Variants in DLGAP2 observed in about 807,000 individuals in gnomAD.
The protein encoded by DLGAP2 is disks large-associated protein 2.
DLGAP2 carries 26 observed loss-of-function variants against 100.3 expected under a neutral mutation model. That is an observed-to-expected ratio of 0.26 (90% CI 0.19 to 0.36). The LOEUF (loss-of-function observed/expected upper bound fraction) is 0.36. Ranked by LOEUF, DLGAP2 falls within the 10% of genes least tolerant of loss-of-function variation. The pLI is 1.00. For synonymous variants in DLGAP2, 886 were observed against 630.1 expected, an observed-to-expected ratio of 1.41 and a Z score of -6.08; for missense variants, 1,858 against 1,453.2, an observed-to-expected ratio of 1.28 and a Z score of -4.53.
At chr8:1,387,514 A>C (rs1796247959) in intron 3 of DLGAP2, among the ~76,000 whole-genome samples, 1 of 152,098 alleles carries the variant, frequency 6.6e-6, no homozygotes, top group Non-Finnish European at 1.5e-5. Context: ...GGTTCTGGAG[A>C]AGGACGGTGG....
chr8:759,665 A>G (rs1821028745), intron 1 of DLGAP2, among the ~76,000 whole-genome samples: 1 of 152,166 alleles, frequency 6.6e-6, no homozygotes, highest in Non-Finnish European at 1.5e-5. Flanking sequence ...GGTGTCCCCC[A>G]GGGCGGTTTC....
chr8:879,360 C>T (rs148208949), intron 1 of DLGAP2, among the ~76,000 whole-genome samples: 6 of 152,254 alleles, frequency 3.9e-5, no homozygotes, highest in East Asian at 1.9e-4. Flanking sequence ...GCTTGGGGAG[C>T]GTAGGGTTTA....
chr8:1,654,665 A>G lies in DLGAP2; in HGVS notation c.1811-13664A>G, dbSNP rs565999399. 2.6e-5 allele frequency among the ~76,000 whole-genome samples: 4 copies of G among 151,754 alleles called. No homozygotes were observed. The East Asian group carries it at 7.7e-4, about 29-fold the overall frequency. ...GACAAGAGTGAAACTCCGTCTCAAAAAAAAAAAAAAAAAAGAATTGGAACA... is the reference window on the plus strand; with the variant it reads ...GACAAGAGTGAAACTCCGTCTCAAAGAAAAAAAAAAAAAAGAATTGGAACA... On this transcript the variant is annotated intron_variant, in intron 8 of 14. Transcript: ENST00000637795.
chr8:1,511,810 C>A (rs6997566), intron 4 of DLGAP2, among the ~76,000 whole-genome samples: 1 of 151,342 alleles, frequency 6.6e-6, no homozygotes, highest in African/African-American at 2.4e-5. Context: ...CTTCCATAGA[C>A]GTAAGGGCTG....
chr8:1,695,111 T>G (rs1449169042), intron 13 of DLGAP2, among the ~76,000 whole-genome samples: 3 of 152,184 alleles, frequency 2.0e-5, no homozygotes, highest in Non-Finnish European at 4.4e-5. Context: ...ATGTTCCTCC[T>G]TCATCCCCCA....
chr8:1,551,678 C>T (rs1801770868), intron 5 of DLGAP2, among the ~76,000 whole-genome samples: 1 of 152,198 alleles, frequency 6.6e-6, no homozygotes, highest in South Asian at 2.1e-4. Flanking sequence ...CCGAAAGTGA[C>T]CTCATTCCAT....
intron 3 of DLGAP2, among the ~76,000 whole-genome samples, chr8:1,418,444 G>T (rs571847499): frequency 6.6e-6 from 1 of 152,150 alleles, no homozygotes; most frequent in African/African-American, 2.4e-5. Context: ...TTCTGTAGTC[G>T]CTTAGCCTGA....
At position 1,359,345 on chromosome 8, in the gene DLGAP2, C is replaced by T. The variant is rs749884119; in HGVS notation, c.106+100462C>T. 9.8e-5 allele frequency among the ~76,000 whole-genome samples: 15 copies of T among 152,342 alleles called. 1 individual carries two copies. Among genetic ancestry groups the T allele is most frequent in the South Asian group, 6.2e-4 (3 of 4,828 alleles). On this transcript the variant is annotated intron_variant, in intron 3 of 14. Transcript: ENST00000637795. The stretch of plus-strand genomic sequence containing the variant: ...TCACCCAAAGAGAGGCCAGGCACTC[C>T]GGCGCAGTTTAGGAGAAAGGAAATT...
At position 874,970 on chromosome 8, in the gene DLGAP2, C is replaced by G. The variant is rs374011905; in HGVS notation, c.19-32942C>G. On this transcript the variant is annotated intron_variant, in intron 1 of 14. Transcript: ENST00000637795. ...TATATATTTATAATTGTTATTGCTC[C>G]TGATGGGTTGTCTCTTTTATAGTTA... Among the ~76,000 whole-genome samples, 3 of 152,284 alleles carry G rather than the reference C, an allele frequency of 2.0e-5. No individual in the cohort carries two copies. In the East Asian group the frequency reaches 5.8e-4, roughly 29 times the overall value.
chr8:765,596 G>A (rs1207792903), intron 1 of DLGAP2, among the ~76,000 whole-genome samples: 1 of 152,070 alleles, frequency 6.6e-6, no homozygotes, highest in Non-Finnish European at 1.5e-5. Context: ...CCCCAAAATG[G>A]TCCTGAAACA....
At chr8:1,416,429 C>T (rs1465615053) in intron 3 of DLGAP2, among the ~76,000 whole-genome samples, 1 of 152,204 alleles carries the variant, frequency 6.6e-6, no homozygotes, top group Non-Finnish European at 1.5e-5. Flanking sequence ...TTAAACTTTT[C>T]CATAAATGTG....
At position 1,682,229 on chromosome 8, in the gene DLGAP2, G is replaced by A. The variant is rs146301386; in HGVS notation, c.2704+3600G>A. Among the ~76,000 whole-genome samples the A allele has an allele frequency of 3.7e-3, 561 of 152,228 alleles. 2 individuals carry two copies. Among genetic ancestry groups the A allele is most frequent in the African/African-American group, 0.013 (537 of 41,544 alleles). ...CGAAGACAGAGGCCAAGGTTCTCCC[G>A]CGTTAGCCATTGGAAAATAAGTGGC... On this transcript the variant is annotated intron_variant, in intron 12 of 14. Transcript: ENST00000637795.
chr8:1,673,305 C>T (rs1213726495), intron 10 of DLGAP2, among the ~76,000 whole-genome samples: 2 of 152,168 alleles, frequency 1.3e-5, no homozygotes, highest in Non-Finnish European at 2.9e-5. Context: ...TTGGAAAAGA[C>T]TCTTGAGTTA....
intron 2 of DLGAP2, among the ~76,000 whole-genome samples, chr8:977,690 T>C (rs889090106): frequency 6.6e-6 from 1 of 151,544 alleles, no homozygotes; most frequent in Non-Finnish European, 1.5e-5. Context: ...AGACTGTTTT[T>C]TAAGAGAGTT....
At chr8:912,312 G>T (rs920692373) in intron 2 of DLGAP2, among the ~76,000 whole-genome samples, 13 of 152,214 alleles carry the variant, frequency 8.5e-5, no homozygotes, top group African/African-American at 2.2e-4. Flanking sequence ...ATGTATAAAA[G>T]TTGGGTGGAA....
chr8:1,031,714 C>G (rs892248723), intron 2 of DLGAP2, among the ~76,000 whole-genome samples: 2 of 152,118 alleles, frequency 1.3e-5, no homozygotes, highest in Non-Finnish European at 2.9e-5. Context: ...AATAATGACC[C>G]CTTTCAAAAA....
intron 5 of DLGAP2, among the ~76,000 whole-genome samples, chr8:1,558,705 G>A (rs982223390): frequency 9.9e-5 from 11 of 111,152 alleles, no homozygotes; most frequent in Non-Finnish European, 1.5e-4. Context: ...ACACATACAC[G>A]TATACACACA....
chr8:1,389,484 GACCCCGCTAAGGGC>G (rs1325829888), intron 3 of DLGAP2, among the ~76,000 whole-genome samples: 1 of 152,130 alleles, frequency 6.6e-6, no homozygotes, highest in Non-Finnish European at 1.5e-5. Flanking sequence ...GTCGATGAGG[GACCCCGCTAAGGGC>G]ACTCAGAGCT....
At chr8:1,635,308 C>T (rs576101241) in intron 8 of DLGAP2, among the ~76,000 whole-genome samples, 5 of 152,166 alleles carry the variant, frequency 3.3e-5, no homozygotes, top group East Asian at 3.8e-4. Context: ...TCAACATGTA[C>T]GGGATGTAGG....
Sources: gnomAD v4.1 joint callset for allele counts (sites outside exome capture counted in the v4.1 genomes callset) on GRCh38, gnomAD v4.1.1 for gene constraint, MANE v1.5 for transcripts, NCBI Gene and HGNC (gene_info 2026-07-23, HGNC 2026-07-21) for gene names.